VAV2: variants seen among roughly 807,000 people sequenced by gnomAD.
The protein encoded by VAV2 is vav guanine nucleotide exchange factor 2.
A neutral mutation model predicts 132.5 loss-of-function variants in VAV2; 67 were observed. That is an observed-to-expected ratio of 0.51 (90% CI 0.42 to 0.62). The LOEUF (loss-of-function observed/expected upper bound fraction) is 0.62. Ranked by LOEUF, VAV2 falls within the 20% of genes least tolerant of loss-of-function variation. The pLI, the probability that VAV2 is intolerant of heterozygous loss-of-function variation, is 0.00. For missense variants in VAV2, 938 were observed against 1,153.6 expected (o/e 0.81, Z 2.71); for synonymous variants, 492 against 443.5 (o/e 1.11, Z -1.37).
chr9:133,911,709 C>T (rs746967222), intron 2 of VAV2, among the ~76,000 whole-genome samples: 2 of 152,334 alleles, frequency 1.3e-5, no homozygotes, highest in East Asian at 3.9e-4. Flanking sequence ...CTGACCTCTG[C>T]ATCACACACA....
intron 2 of VAV2, among the ~76,000 whole-genome samples, chr9:133,893,384 C>A (rs1275052268): frequency 6.6e-6 from 1 of 152,166 alleles, no homozygotes; most frequent in Non-Finnish European, 1.5e-5. Context: ...CTCAGCTGGT[C>A]CTCGGTCCCA....
chr9:133,777,415 C>G lies in VAV2; in HGVS notation c.1939G>C (p.Val647Leu). The G allele has an allele frequency of 1.9e-6, 3 of 1,613,842 alleles. No individual in the cohort carries two copies. Among genetic ancestry groups the G allele is most frequent in the Non-Finnish European group, 2.5e-6 (3 of 1,180,022 alleles). Residue 647 changes from valine to leucine, a missense_variant, in exon 23 of 30, where the codon GTG becomes CTG. By Grantham distance (32) the Val-to-Leu change is conservative. Coordinates refer to ENST00000371850, the MANE Select transcript of VAV2 (RefSeq NM_001134398.2). Reference sequence around the variant, plus strand: ...CTTCCATCCACAGGGCAGGGCTTCACAGATGAGCTGGGGAAATACCCTGAC... The same window carrying G: ...CTTCCATCCACAGGGCAGGGCTTCAGAGATGAGCTGGGGAAATACCCTGAC... ...RKSGYFPSSS[V>L]KPCPVDGRPP...
chr9:133,968,424 GA>G (rs899044771), intron 1 of VAV2, among the ~76,000 whole-genome samples: 113 of 152,238 alleles, frequency 7.4e-4, no homozygotes, highest in Non-Finnish European at 1.5e-3. Context: ...TTGTGGGGGG[GA>G]AAAACACCAC....
At chr9:133,902,077 T>A (rs1839467157) in intron 2 of VAV2, among the ~76,000 whole-genome samples, 1 of 140,374 alleles carries the variant, frequency 7.1e-6, no homozygotes, top group Non-Finnish European at 1.5e-5. Context: ...GGGCCAAAAG[T>A]GACACAGTTT....
chr9:133,871,457 G>A (rs1282656958), intron 2 of VAV2, among the ~76,000 whole-genome samples: 1 of 147,350 alleles, frequency 6.8e-6, no homozygotes, highest in Non-Finnish European at 1.5e-5. Flanking sequence ...TGGATGGATG[G>A]ATGGAGAAGC....
intron 2 of VAV2, among the ~76,000 whole-genome samples, chr9:133,904,598 C>T (rs1391953744): frequency 6.6e-6 from 1 of 152,260 alleles, no homozygotes; most frequent in East Asian, 1.9e-4. Context: ...GGCATGCAGG[C>T]ATGCAGCACA....
Position 133,770,385 on chromosome 9 carries a change from C to A in VAV2, c.2340G>T (p.Arg780=). ...RERSASRASS[R]SPASCASYNF... is the part of the protein sequence containing the mutation. The stretch of plus-strand genomic sequence containing the variant: ...GCTGGGCCGGGGCGTTACCTGGGGA[C>A]CGGCTGGAGGCCCTGGAGGCCGAAC... The change falls in exon 27 of 30, where the codon CGG becomes CGT. Residue 780 remains arginine (R), a synonymous_variant. Transcript: ENST00000371850. The A allele has an allele frequency of 6.2e-7, 1 of 1,614,022 alleles. No homozygotes were observed. Among genetic ancestry groups the A allele is most frequent in the Non-Finnish European group, 8.5e-7 (1 of 1,179,940 alleles).
In VAV2 at chr9:133,978,638, G is replaced by A. The variant is rs563426064; in HGVS notation, c.204+13437C>T. ...TTCATCCTTACACAAACTCTGTAAA[G>A]ACTGACAGATGAACCCCACAAAACA... On this transcript the variant is annotated intron_variant, in intron 1 of 29. Coordinates refer to ENST00000371850, the MANE Select transcript of VAV2 (RefSeq NM_001134398.2). Among the ~76,000 whole-genome samples, 95 of 152,268 alleles carry A rather than the reference G, an allele frequency of 6.2e-4. 1 individual carries two copies. The highest frequency in any genetic ancestry group is 1.8e-4 in the Non-Finnish European group (12 of 68,052).
chr9:133,909,601 G>A (rs989355722), intron 2 of VAV2, among the ~76,000 whole-genome samples: 3 of 152,022 alleles, frequency 2.0e-5, no homozygotes, highest in Non-Finnish European at 2.9e-5. Flanking sequence ...GATAGCCAGC[G>A]GCTATCTCTT....
chr9:133,924,003 C>T (rs1831886867), intron 2 of VAV2, among the ~76,000 whole-genome samples: 1 of 151,010 alleles, frequency 6.6e-6, no homozygotes, highest in Admixed American at 6.6e-5. Flanking sequence ...GGGTGGGGGA[C>T]TAGGGGAGGG....
rs1338477919 is a variant in VAV2, at chr9:133,844,608, C to T, written c.381-10268G>A. ...TCTCACTTCTGCAAACCCAAAGCTA[C>T]ACACACTCCCTGCAGACACAGGACA... On this transcript the variant is annotated intron_variant, in intron 3 of 29. Coordinates refer to ENST00000371850, the MANE Select transcript of VAV2 (RefSeq NM_001134398.2). 2.0e-5 allele frequency among the ~76,000 whole-genome samples: 3 copies of T among 152,336 alleles called. No homozygotes were observed. The East Asian group carries it at 5.8e-4, about 29-fold the overall frequency.
chr9:133,807,407 A>C (rs2428089), intron 7 of VAV2, 81 bp from the exon 8 acceptor site: 11 of 1,449,034 alleles, frequency 7.6e-6, no homozygotes, highest in Non-Finnish European at 4.6e-6. Context: ...GGAGGGTCCC[A>C]GGGCAGCTCC....
intron 4 of VAV2, among the ~76,000 whole-genome samples, chr9:133,818,116 G>A (rs1356610832): frequency 1.3e-5 from 2 of 152,168 alleles, no homozygotes; most frequent in African/African-American, 2.4e-5. Flanking sequence ...TGTAATCTCA[G>A]CACTTTGGGG....
At chr9:133,792,308 A>C (rs1188515957) in intron 12 of VAV2, among the ~76,000 whole-genome samples, 1 of 71,676 alleles carries the variant, frequency 1.4e-5, no homozygotes, top group African/African-American at 5.8e-5. Flanking sequence ...TGGGTGGGGT[A>C]TGTGTGTGTG....
At position 133,768,436 on chromosome 9, in the gene VAV2, A is replaced by C; in HGVS notation, c.2589+6T>G. 1 of 1,611,516 alleles carries C rather than the reference A, an allele frequency of 6.2e-7. No individual in the cohort carries two copies. Among genetic ancestry groups the C allele is most frequent in the Non-Finnish European group, 8.5e-7 (1 of 1,179,574 alleles). On this transcript the variant is annotated splice_donor_region_variant and intron_variant, in intron 29 of 29. Coordinates refer to ENST00000371850, the MANE Select transcript of VAV2 (RefSeq NM_001134398.2). The surrounding 1 kb of genome is among the most constrained non-coding windows in gnomAD (Gnocchi z 5.3). ...AGCCCCACACCCTCAGGGTGGGGCC[A>C]CTCACCCGTCCGTTGGTCTCGCCCT...
chr9:133,805,992 G>C, intron 9 of VAV2, 89 bp downstream of exon 9: 1 of 1,399,258 alleles, frequency 7.1e-7, no homozygotes, highest in Non-Finnish European at 9.8e-7. Context: ...GACACCCCAA[G>C]AGTCCCACTT....
At chr9:133,785,726 C>T (rs1434106384) in intron 17 of VAV2, 50 bp downstream of exon 17, 3 of 1,566,842 alleles carry the variant, frequency 1.9e-6, no homozygotes, top group Admixed American at 1.7e-5. Flanking sequence ...CTTCCACCCC[C>T]CATACAACTC....
intron 2 of VAV2, among the ~76,000 whole-genome samples, chr9:133,906,901 G>A (rs760273511): frequency 4.3e-4 from 66 of 152,220 alleles, no homozygotes; most frequent in Admixed American, 4.6e-4. Flanking sequence ...CCCTCGCCCC[G>A]TCCCATCCCT....
chr9:133,946,907 C>T (rs570108071), intron 1 of VAV2, among the ~76,000 whole-genome samples: 12 of 152,276 alleles, frequency 7.9e-5, no homozygotes, highest in East Asian at 3.9e-4. Flanking sequence ...CAGGAGCTGA[C>T]GCCGTTTGCT....
Sources: gnomAD v4.1 joint callset for allele counts (sites outside exome capture counted in the v4.1 genomes callset) on GRCh38, gnomAD v4.1.1 for gene constraint, Gnocchi (gnomAD v3.1) non-coding constraint, MANE v1.5 for transcripts, NCBI Gene and HGNC (gene_info 2026-07-23, HGNC 2026-07-21) for gene names.